The following GPHN variants were observed in gnomAD, a reference collection of about 807,000 sequenced individuals.
The protein encoded by GPHN is gephyrin.
In GPHN, 17 loss-of-function variants were observed where a neutral mutation model predicts 95.5. The ratio of observed to expected loss-of-function variants is 0.18; its 90% confidence interval spans 0.12 to 0.27. The LOEUF is 0.27. GPHN is among the 10% of genes least tolerant of loss of function. The pLI is 1.00. For synonymous variants in GPHN, 320 were observed against 322.5 expected, an observed-to-expected ratio of 0.99 and a Z score of 0.08; for missense variants, 660 against 978.1, an observed-to-expected ratio of 0.67 and a Z score of 4.34.
intron 1 of GPHN, among the ~76,000 whole-genome samples, chr14:66,522,224 A>G (rs889988050): frequency 2.6e-5 from 4 of 152,152 alleles, no homozygotes; most frequent in Middle Eastern, 3.2e-3. Context: ...ATACACACAT[A>G]ATTGAAATAT....
chr14:67,326,478 G>T, the GPHN span, among the ~76,000 whole-genome samples: 7 of 151,764 alleles, frequency 4.6e-5, no homozygotes, highest in Non-Finnish European at 8.8e-5. Flanking sequence ...CTTTTACTTT[G>T]CTGAAGTATA....
At chr14:67,297,736 AGACATCAAGGAT>A in the GPHN span, among the ~76,000 whole-genome samples, 1 of 152,206 alleles carries the variant, frequency 6.6e-6, no homozygotes, top group Non-Finnish European at 1.5e-5. Flanking sequence ...AAGGTAAAGG[AGACATCAAGGAT>A]GACTTCCTAT....
the GPHN span, chr14:67,467,374 A>C: frequency 6.6e-6 from 1 of 152,214 alleles, no homozygotes; most frequent in Admixed American, 6.5e-5. Context: ...GAAGGTACTG[A>C]CAGCCAGGGG....
intron 12 of GPHN, among the ~76,000 whole-genome samples, chr14:67,099,145 T>C (rs2077554596): frequency 6.6e-6 from 1 of 151,826 alleles, no homozygotes; most frequent in Admixed American, 6.6e-5. Context: ...GTTTCACTCT[T>C]GTTGCCCAGG....
At chr14:67,302,447 T>A in the GPHN span, 1 of 1,599,158 alleles carries the variant, frequency 6.3e-7, no homozygotes, top group Non-Finnish European at 8.5e-7. Context: ...TCTGTCATCA[T>A]TAGCCGGATA....
chr14:67,200,874 T>C, the GPHN span, among the ~76,000 whole-genome samples: 1 of 152,226 alleles, frequency 6.6e-6, no homozygotes, highest in African/African-American at 2.4e-5. Flanking sequence ...TAGCAGTCTA[T>C]AGGTCAGACG....
intron 9 of GPHN, among the ~76,000 whole-genome samples, chr14:67,021,545 G>GA (rs1388456672): frequency 1.3e-5 from 2 of 152,082 alleles, no homozygotes; most frequent in Non-Finnish European, 2.9e-5. Flanking sequence ...TAGGGAACGG[G>GA]AGAGGGTATT....
chr14:67,363,660 G>A, the GPHN span, among the ~76,000 whole-genome samples: 2 of 152,106 alleles, frequency 1.3e-5, no homozygotes, highest in Non-Finnish European at 2.9e-5. Context: ...GAACTAGGGA[G>A]AAAGTTGTAC....
chr14:67,521,183 G>A, the GPHN span, among the ~76,000 whole-genome samples: 1 of 152,170 alleles, frequency 6.6e-6, no homozygotes, highest in African/African-American at 2.4e-5. Context: ...ATAGAGCTGG[G>A]TGACACATCA....
chr14:67,726,958 T>C, the GPHN span: 2 of 1,607,604 alleles, frequency 1.2e-6, no homozygotes, highest in Non-Finnish European at 8.5e-7. Flanking sequence ...ACTTTCAATC[T>C]TCCCTGCTGG....
the GPHN span, among the ~76,000 whole-genome samples, chr14:67,327,838 A>T: frequency 1.3e-5 from 2 of 152,152 alleles, no homozygotes; most frequent in African/African-American, 4.8e-5. Context: ...TTTTGGCTGC[A>T]TAGTATTCCA....
rs530388409 is a variant in GPHN at position 66,756,193 on chromosome 14, G to A, written c.144-20271G>A. On this transcript the variant is annotated intron_variant, in intron 2 of 22. Coordinates refer to ENST00000478722, the MANE Select transcript of GPHN (RefSeq NM_020806.5). ...TAAAAGTACTTATGGAGTACATGCC[G>A]ATTTAATATACCTATAATAAATATG... Among the ~76,000 whole-genome samples, 21 of 152,128 alleles carry A rather than the reference G, an allele frequency of 1.4e-4. No individual in the cohort carries two copies. The East Asian group carries it at 1.5e-3, about 11-fold the overall frequency.
At chr14:66,911,157 C>T (rs1387661354) in intron 5 of GPHN, among the ~76,000 whole-genome samples, 1 of 151,762 alleles carries the variant, frequency 6.6e-6, no homozygotes, top group Non-Finnish European at 1.5e-5. Context: ...GTAAAAGAAG[C>T]AAGTCACAAA....
At chr14:66,868,949 A>G (rs1245287526) in intron 4 of GPHN, among the ~76,000 whole-genome samples, 1 of 152,204 alleles carries the variant, frequency 6.6e-6, no homozygotes, top group Non-Finnish European at 1.5e-5. Flanking sequence ...TGCAACTTTC[A>G]TATTGGAAAA....
intron 1 of GPHN, among the ~76,000 whole-genome samples, chr14:66,618,897 T>G (rs1462921480): frequency 6.6e-6 from 1 of 152,196 alleles, no homozygotes; most frequent in East Asian, 1.9e-4. Context: ...AATTTTTTTG[T>G]GATTCTGGGT....
the GPHN span, among the ~76,000 whole-genome samples, chr14:67,331,922 A>T: frequency 6.6e-6 from 1 of 152,208 alleles, no homozygotes; most frequent in Non-Finnish European, 1.5e-5. Flanking sequence ...TCAGATGTAC[A>T]ACATTCCAGA....
chr14:66,662,582 C>T (rs1232642320), intron 1 of GPHN, among the ~76,000 whole-genome samples: 1 of 152,214 alleles, frequency 6.6e-6, no homozygotes. Context: ...CAGATGACCA[C>T]ATCACCTCTC....
chr14:67,300,197 G>C, the GPHN span, among the ~76,000 whole-genome samples: 1 of 152,104 alleles, frequency 6.6e-6, no homozygotes, highest in Non-Finnish European at 1.5e-5. Flanking sequence ...TACTGTCATT[G>C]CTTTGATCCA....
intron 12 of GPHN, among the ~76,000 whole-genome samples, chr14:67,093,657 T>A (rs116966915): frequency 0.012 from 1,832 of 152,218 alleles, 19 homozygotes; most frequent in Non-Finnish European, 0.018. Flanking sequence ...TTAATAGGCA[T>A]TTTCCCTGGA....
Sources: allele counts gnomAD v4.1 joint callset (sites outside exome capture counted in the v4.1 genomes callset), GRCh38; gene constraint gnomAD v4.1.1; transcripts MANE v1.5; gene names NCBI Gene and HGNC (gene_info 2026-07-23, HGNC 2026-07-21).